Variants in NTN1 observed in about 807,000 individuals in gnomAD.
The protein encoded by NTN1 is netrin 1.
A neutral mutation model predicts 54.2 loss-of-function variants in NTN1; 11 were observed. The observed-to-expected ratio is 0.20, with a 90% CI of 0.13 to 0.34. The LOEUF is 0.34. NTN1 is among the 10% of genes least tolerant of loss of function. The probability of loss-of-function intolerance (pLI) is 1.00; values close to 1 mark genes in which losing one functional copy is unlikely to be tolerated. For missense variants in NTN1, 740 were observed against 893.1 expected (o/e 0.83, Z 2.18); for synonymous variants, 371 against 382.0 (o/e 0.97, Z 0.33).
intron 2 of NTN1, among the ~76,000 whole-genome samples, chr17:9,148,096 G>T (rs1007317921): frequency 6.6e-6 from 1 of 152,164 alleles, no homozygotes; most frequent in African/African-American, 2.4e-5. Flanking sequence ...GGCTGGGTAG[G>T]GGCAGAGGGG....
intron 6 of NTN1, among the ~76,000 whole-genome samples, chr17:9,236,145 T>A (rs1467895892): frequency 6.6e-6 from 1 of 150,930 alleles, no homozygotes; most frequent in Admixed American, 6.6e-5. Context: ...GTACTAACAT[T>A]AAAACCTTGA....
At chr17:9,117,836 TGGTG>T (rs1234150391) in intron 2 of NTN1, among the ~76,000 whole-genome samples, 1 of 148,792 alleles carries the variant, frequency 6.7e-6, no homozygotes, top group Non-Finnish European at 1.5e-5. Flanking sequence ...ACCACCCAAC[TGGTG>T]GGTGGAGGAC....
At chr17:9,154,062 G>T (rs1004080049) in intron 2 of NTN1, among the ~76,000 whole-genome samples, 13 of 152,228 alleles carry the variant, frequency 8.5e-5, no homozygotes, top group African/African-American at 2.9e-4. Context: ...GTCCCCGTAG[G>T]GGTCATCCAG....
chr17:9,025,455 A>C (rs1266831911), intron 2 of NTN1, among the ~76,000 whole-genome samples: 1 of 152,248 alleles, frequency 6.6e-6, no homozygotes, highest in Non-Finnish European at 1.5e-5. Context: ...ATAAGTACAT[A>C]ATCTACATGA....
chr17:9,044,251 T>C (rs1175771272), intron 2 of NTN1, among the ~76,000 whole-genome samples: 1 of 152,056 alleles, frequency 6.6e-6, no homozygotes, highest in African/African-American at 2.4e-5. Flanking sequence ...TTTTTCCTTT[T>C]TGGGGCGGAG....
At chr17:9,063,264 T>A (rs1344209951) in intron 2 of NTN1, among the ~76,000 whole-genome samples, 3 of 151,894 alleles carry the variant, frequency 2.0e-5, no homozygotes, top group Non-Finnish European at 2.9e-5. Flanking sequence ...GCTCAGCTAA[T>A]TTTTTGTATT....
At chr17:9,227,643 AAC>A (rs1326290623) in intron 6 of NTN1, among the ~76,000 whole-genome samples, 1 of 138,042 alleles carries the variant, frequency 7.2e-6, no homozygotes, top group Non-Finnish European at 1.5e-5. Flanking sequence ...ACACACATCA[AAC>A]ACACCATCAC....
At chr17:9,013,496 G>A in the NTN1 span, among the ~76,000 whole-genome samples, 13 of 152,130 alleles carry the variant, frequency 8.5e-5, no homozygotes, top group African/African-American at 2.9e-4. Flanking sequence ...GATTACAGGT[G>A]TGAGCCACCT....
chr17:9,109,486 G>GGTT (rs1195799216), intron 2 of NTN1, among the ~76,000 whole-genome samples: 1 of 152,182 alleles, frequency 6.6e-6, no homozygotes, highest in Admixed American at 6.5e-5. Flanking sequence ...AGCAGTATAT[G>GGTT]GTTGCCATGC....
intron 6 of NTN1, among the ~76,000 whole-genome samples, chr17:9,231,138 C>G (rs1467146603): frequency 1.3e-5 from 2 of 152,170 alleles, no homozygotes; most frequent in Admixed American, 6.5e-5. Context: ...TACCCGCTGG[C>G]TCTCCCCTGG....
At position 9,123,965 on chromosome 17, in the gene NTN1, T is replaced by A. The variant is rs958141633; in HGVS notation, c.1019-38848T>A. Among the ~76,000 whole-genome samples the A allele has an allele frequency of 3.9e-5, 6 of 152,122 alleles. No individual in the cohort carries two copies. The South Asian group carries it at 1.0e-3, about 26-fold the overall frequency. On this transcript the variant is annotated intron_variant, in intron 2 of 6. Coordinates refer to ENST00000173229, the MANE Select transcript of NTN1 (RefSeq NM_004822.3). ...TCGCTGGTGAGAGTAAGTCACCTGT[T>A]TTTTTTAGAGTTTTTCTTCAGGGAT...
At position 9,139,537 on chromosome 17, in the gene NTN1, T is replaced by C. The variant is rs1546789; in HGVS notation, c.1019-23276T>C. On this transcript the variant is annotated intron_variant, in intron 2 of 6. Transcript: ENST00000173229. The stretch of plus-strand genomic sequence containing the variant: ...GCCCTCTCAGGCTCCAGTTTTCCAA[T>C]GATTTCCTCATCATCTCCAGAAACT... Among the ~76,000 whole-genome samples, 28 of 152,294 alleles carry C rather than the reference T, an allele frequency of 1.8e-4. No individual in the cohort carries two copies. The East Asian group carries it at 3.3e-3, about 18-fold the overall frequency.
intron 2 of NTN1, among the ~76,000 whole-genome samples, chr17:9,026,394 G>T (rs528950291): frequency 9.9e-5 from 15 of 151,000 alleles, no homozygotes; most frequent in South Asian, 2.1e-4. Flanking sequence ...TTTCTTCCGG[G>T]GGGGGGGAAC....
intron 2 of NTN1, among the ~76,000 whole-genome samples, chr17:9,131,325 C>T (rs926785950): frequency 2.0e-5 from 3 of 152,148 alleles, no homozygotes; most frequent in African/African-American, 7.2e-5. Context: ...TCTCCTAATG[C>T]GCTGTGTTCA....
intron 2 of NTN1, among the ~76,000 whole-genome samples, chr17:9,144,976 C>G (rs1044600395): frequency 6.4e-4 from 98 of 152,228 alleles, no homozygotes; most frequent in Admixed American, 7.9e-4. Flanking sequence ...ACAGCTATCT[C>G]CAGCTCCAGG....
chr17:9,196,062 G>A (rs879853727), intron 5 of NTN1, among the ~76,000 whole-genome samples: 4 of 147,680 alleles, frequency 2.7e-5, no homozygotes, highest in Non-Finnish European at 4.5e-5. Flanking sequence ...AATCGCTGGG[G>A]CCTGGGAAGG....
chr17:9,192,168 T>C (rs1379341473), intron 5 of NTN1, among the ~76,000 whole-genome samples: 1 of 152,194 alleles, frequency 6.6e-6, no homozygotes. Flanking sequence ...ATCAGTTCAA[T>C]TCTAGGAATT....
At chr17:9,095,484 C>A (rs566219063) in intron 2 of NTN1, among the ~76,000 whole-genome samples, 5 of 152,344 alleles carry the variant, frequency 3.3e-5, no homozygotes, top group Middle Eastern at 3.4e-3. Flanking sequence ...TCCATGTGGA[C>A]CTTTCCCTAA....
chr17:9,210,831 G>C (rs1043420381), intron 5 of NTN1, among the ~76,000 whole-genome samples: 4 of 139,302 alleles, frequency 2.9e-5, no homozygotes, highest in African/African-American at 1.1e-4. Flanking sequence ...GCTTGAACCT[G>C]GGAGGTGGAG....
Sources: allele counts gnomAD v4.1 joint callset (sites outside exome capture counted in the v4.1 genomes callset), GRCh38; gene constraint gnomAD v4.1.1; transcripts MANE v1.5; gene names NCBI Gene and HGNC (gene_info 2026-07-23, HGNC 2026-07-21).